Variants in SOAT1 observed in about 807,000 individuals in gnomAD.
SOAT1 encodes acyl-coenzyme A:cholesterol acyltransferase 1.
In SOAT1, 55 loss-of-function variants were observed where a neutral mutation model predicts 69.5. The ratio of observed to expected loss-of-function variants is 0.79; its 90% CI spans 0.64 to 0.99. SOAT1 has a LOEUF of 0.99. SOAT1 is among the 50% of genes least tolerant of loss of function. The pLI is 0.00. For synonymous variants in SOAT1, 231 were observed against 224.7 expected (o/e 1.03, Z -0.25); for missense variants, 580 against 669.3 (o/e 0.87, Z 1.47).
intron 2 of SOAT1, among the ~76,000 whole-genome samples, chr1:179,318,883 A>G (rs1469971657): frequency 6.6e-6 from 1 of 152,090 alleles, no homozygotes; most frequent in Non-Finnish European, 1.5e-5. Context: ...TCCACTTTCT[A>G]TTATTATGAC....
rs112817693 is a variant in SOAT1 at position 179,335,966 on chromosome 1, C to T, written c.329+309C>T. On this transcript the variant is annotated intron_variant, in intron 4 of 15. Coordinates refer to ENST00000367619, the MANE Select transcript of SOAT1 (RefSeq NM_003101.6). ...CTGAGGTCAGGAGTTCAAGATTAGC[C>T]TGGCCAACATGGTTATTTAACCATT... is the stretch of plus-strand genomic sequence containing the variant. 4.6e-3 allele frequency among the ~76,000 whole-genome samples: 704 copies of T among 152,234 alleles called. 3 individuals carry two copies. The highest frequency in any genetic ancestry group is 0.016 in the African/African-American group (648 of 41,548).
intron 4 of SOAT1, among the ~76,000 whole-genome samples, chr1:179,337,090 T>C (rs935657274): frequency 7.2e-5 from 11 of 152,228 alleles, no homozygotes; most frequent in African/African-American, 2.7e-4. Flanking sequence ...TTCTAATTGA[T>C]GGTTCATCCA....
At chr1:179,339,581 C>T (rs1666263354) in intron 6 of SOAT1, 36 bp downstream of exon 6, 2 of 1,384,682 alleles carry the variant, frequency 1.4e-6, no homozygotes, top group Non-Finnish European at 2.0e-6. Context: ...CTAGTTGATG[C>T]ATGAGAAGTT....
intron 12 of SOAT1, 43 bp downstream of exon 12, chr1:179,347,740 A>C: frequency 9.0e-7 from 1 of 1,115,796 alleles, no homozygotes; most frequent in East Asian, 2.4e-5. Context: ...CATTTTATTA[A>C]CTTCTTCATT....
intron 10 of SOAT1, among the ~76,000 whole-genome samples, chr1:179,344,342 T>G (rs1666445093): frequency 2.8e-5 from 4 of 142,532 alleles, no homozygotes; most frequent in Non-Finnish European, 4.6e-5. Flanking sequence ...AGTAAGTTCT[T>G]TCATTAAGGG....
At chr1:179,309,943 G>A (rs562931549) in intron 2 of SOAT1, among the ~76,000 whole-genome samples, 1 of 152,032 alleles carries the variant, frequency 6.6e-6, no homozygotes, top group East Asian at 1.9e-4. Flanking sequence ...TGCCCAGGCT[G>A]GAGTGGAGTG....
At chr1:179,305,017 G>C (rs1263942829) in intron 2 of SOAT1, among the ~76,000 whole-genome samples, 6 of 152,068 alleles carry the variant, frequency 3.9e-5, no homozygotes, top group Non-Finnish European at 7.3e-5. Context: ...ACAATTCAGT[G>C]GTTGCTAATA....
chr1:179,347,613 C>CT lies in SOAT1; in HGVS notation c.1133dup (p.Leu379ProfsTer16). 6.2e-7 allele frequency: 1 copy of CT among 1,609,546 alleles called. No individual in the cohort carries two copies. Among genetic ancestry groups the CT allele is most frequent in the Non-Finnish European group, 8.5e-7 (1 of 1,176,518 alleles). Reference sequence around the variant, plus strand: ...TCTTATTTTTAGGTGTGCTGATTCTCTTCCTTACTTTTTTTGCCTTTTTGC... The same window carrying CT: ...TCTTATTTTTAGGTGTGCTGATTCTCTTTCCTTACTTTTTTTGCCTTTTTGC... On this transcript the variant is annotated frameshift_variant, in exon 12 of 16. Coordinates refer to ENST00000367619, the MANE Select transcript of SOAT1 (RefSeq NM_003101.6). LOFTEE classifies it high-confidence loss of function.
At position 179,303,564 on chromosome 1, in the gene SOAT1, C is replaced by CTT. The variant is rs1558036294; in HGVS notation, c.118+763_118+764insTT. 2.0e-5 allele frequency among the ~76,000 whole-genome samples: 3 copies of CTT among 152,308 alleles called. No homozygotes were observed. The East Asian group carries it at 5.8e-4, about 29-fold the overall frequency. ...AGACAGGTTGTCTTTGGCATTTCAT[C>CTT]TCTTTTCATAAAGAAACAGTTTTGT... On this transcript the variant is annotated intron_variant, in intron 2 of 15. Transcript: ENST00000367619.
At chr1:179,311,776 A>G (rs764803336) in intron 2 of SOAT1, among the ~76,000 whole-genome samples, 15 of 152,190 alleles carry the variant, frequency 9.9e-5, no homozygotes, top group Non-Finnish European at 1.9e-4. Context: ...AGAACTACAG[A>G]TTTTATTTTC....
chr1:179,353,211 A>ATATATATATAAATATT (rs57930073), intron 15 of SOAT1, among the ~76,000 whole-genome samples: 1 of 64,522 alleles, frequency 1.5e-5, no homozygotes, highest in Non-Finnish European at 3.2e-5. Flanking sequence ...ATATATAAAT[A>ATATATATATAAATATT]TATATATATA....
intron 2 of SOAT1, among the ~76,000 whole-genome samples, chr1:179,310,564 A>G (rs957407590): frequency 2.6e-5 from 4 of 152,150 alleles, no homozygotes; most frequent in Non-Finnish European, 5.9e-5. Context: ...TTACTATCTT[A>G]TCTTCCCTTT....
intron 2 of SOAT1, among the ~76,000 whole-genome samples, chr1:179,311,329 G>A (rs536800541): frequency 3.3e-5 from 5 of 152,276 alleles, no homozygotes; most frequent in African/African-American, 1.2e-4. Context: ...TTGCACCACT[G>A]CACTCCAACC....
intron 2 of SOAT1, among the ~76,000 whole-genome samples, chr1:179,318,323 C>G (rs1280708003): frequency 6.6e-6 from 1 of 152,024 alleles, no homozygotes; most frequent in Admixed American, 6.6e-5. Context: ...AAATCTGTGA[C>G]AATAATAAAG....
chr1:179,319,893 G>A (rs1433774346), intron 2 of SOAT1, among the ~76,000 whole-genome samples: 2 of 152,170 alleles, frequency 1.3e-5, no homozygotes, highest in African/African-American at 2.4e-5. Context: ...TATGGTTACA[G>A]ATGTAAGCCA....
At chr1:179,297,796 C>T (rs1277998935) in intron 1 of SOAT1, among the ~76,000 whole-genome samples, 2 of 149,660 alleles carry the variant, frequency 1.3e-5, no homozygotes, top group East Asian at 4.0e-4. Flanking sequence ...CTTTGGGAGG[C>T]CGAGGCAGGC....
rs11576517 is a variant in SOAT1, at chr1:179,341,127, C to T, written c.597C>T (p.Pro199=). 0.23 allele frequency: 363,983 copies of T among 1,613,530 alleles called. 43,990 individuals are homozygous for T. Among genetic ancestry groups the T allele is most frequent in the East Asian group, 0.48 (21,618 of 44,846 alleles). ...WIMFLSTFSV[P]YFLFQHWATG... ...TGTTCCTGTCTACATTTTCAGTTCCCTATTTTCTGTTTCAACATTGGGCCA... is the reference window on the plus strand; with the variant it reads ...TGTTCCTGTCTACATTTTCAGTTCCTTATTTTCTGTTTCAACATTGGGCCA... Residue 199 remains proline, a synonymous_variant, in exon 7 of 16, where the codon CCC becomes CCT. Transcript: ENST00000367619.
intron 3 of SOAT1, among the ~76,000 whole-genome samples, chr1:179,333,030 C>T (rs748404006): frequency 1.3e-5 from 2 of 152,166 alleles, no homozygotes; most frequent in Non-Finnish European, 2.9e-5. Context: ...GAACATTAGG[C>T]ATGTAATTAT....
intron 3 of SOAT1, among the ~76,000 whole-genome samples, chr1:179,328,026 G>A (rs1010130384): frequency 6.6e-6 from 1 of 152,172 alleles, no homozygotes; most frequent in Non-Finnish European, 1.5e-5. Context: ...AAAGATCTTA[G>A]AACAGTCCAA....
Sources: allele counts gnomAD v4.1 joint callset (sites outside exome capture counted in the v4.1 genomes callset), GRCh38; gene constraint gnomAD v4.1.1; transcripts MANE v1.5; gene names NCBI Gene and HGNC (gene_info 2026-07-23, HGNC 2026-07-21).